Variants in SKOR2 observed in about 807,000 individuals in gnomAD.
SKOR2 encodes LBX1 corepressor 1-like protein.
A neutral mutation model predicts 69.1 loss-of-function variants in SKOR2; 47 were observed. The ratio of observed to expected loss-of-function variants is 0.68; its 90% CI spans 0.54 to 0.87. SKOR2 has a LOEUF of 0.87. Ranked by LOEUF, SKOR2 falls within the 40% of genes least tolerant of loss-of-function variation. The pLI is 0.00. For synonymous variants in SKOR2, 717 were observed against 672.6 expected (o/e 1.07, Z -1.02); for missense variants, 1,404 against 1,472.2 (o/e 0.95, Z 0.76).
chr18:47,223,883 TC>T (rs2064169587), intron 6 of SKOR2, among the ~76,000 whole-genome samples: 1 of 147,002 alleles, frequency 6.8e-6, no homozygotes, highest in Non-Finnish European at 1.5e-5. Flanking sequence ...CATACAAAAA[TC>T]TAAAATTTTT....
intron 4 of SKOR2, 49 bp from the exon 5 acceptor site, chr18:47,231,049 T>C: frequency 2.6e-6 from 4 of 1,535,030 alleles, no homozygotes; most frequent in Non-Finnish European, 3.5e-6. Context: ...AGGCTAGTTC[T>C]GTAAGTTTTC....
chr18:47,237,203 C>T (rs1345320406), intron 4 of SKOR2, among the ~76,000 whole-genome samples: 1 of 152,294 alleles, frequency 6.6e-6, no homozygotes, highest in South Asian at 2.1e-4. Flanking sequence ...TATATTCTGA[C>T]TAAATTAGGC....
In SKOR2 at chr18:47,247,672, G is replaced by A; in HGVS notation, c.1512C>T (p.Ala504=). ...GGTCCAGGAAGGCCTGGCGCAGCAGGGCCGGGCTTTCGCCTAGCGCGCAGC... is the reference window on the plus strand; with the variant it reads ...GGTCCAGGAAGGCCTGGCGCAGCAGAGCCGGGCTTTCGCCTAGCGCGCAGC... The part of the protein sequence containing the change: ...ALGCALGESP[A]LLRQAFLDLA... Residue 504 remains alanine, a synonymous_variant, in exon 2 of 9, where the codon GCC becomes GCT. Coordinates refer to ENST00000425639, the MANE Select transcript of SKOR2 (RefSeq NM_001278063.4). This position sits in a 1 kb window ranked among gnomAD's most constrained non-coding sequence, Gnocchi z 6.6. 1 of 1,369,850 alleles carries A rather than the reference G, an allele frequency of 7.3e-7. No homozygotes were observed. The highest frequency in any genetic ancestry group is 1.7e-5 in the South Asian group (1 of 58,246). 84.9% of individuals were successfully genotyped at this position (1,369,850 alleles called of 1,614,324 possible).
chr18:47,219,568 G>A (rs1400699985), intron 7 of SKOR2, among the ~76,000 whole-genome samples: 1 of 152,130 alleles, frequency 6.6e-6, no homozygotes, highest in African/African-American at 2.4e-5. Context: ...TGGAGGGCCT[G>A]GCTCAAGTGT....
chr18:47,248,511 C>G lies in SKOR2; in HGVS notation c.673G>C (p.Val225Leu). The change falls in exon 2 of 9, where the codon GTC becomes CTC. Residue 225 changes from valine (V) to leucine (L), a missense_variant. Physicochemically the swap from Val to Leu is conservative, Grantham distance 32. Coordinates refer to ENST00000425639, the MANE Select transcript of SKOR2 (RefSeq NM_001278063.4). This position sits in a 1 kb window ranked among gnomAD's most constrained non-coding sequence, Gnocchi z 6.4. Reference protein sequence around the residue: ...LTDKSPQDELVFAWEDVKAMF... With the variant: ...LTDKSPQDELLFAWEDVKAMF... ...GCCTTGACGTCCTCCCAGGCGAAGA[C>G]CAGCTCGTCCTGGGGACTCTTGTCG... 2 of 1,537,030 alleles carry G rather than the reference C, an allele frequency of 1.3e-6. No individual in the cohort carries two copies. The highest frequency in any genetic ancestry group is 1.7e-6 in the Non-Finnish European group (2 of 1,146,854).
Position 47,247,311 on chromosome 18 carries a change from G to A in SKOR2, c.1873C>T (p.Arg625Trp). Residue 625 changes from arginine to tryptophan, a missense_variant, in exon 2 of 9, where the codon CGG becomes TGG. By Grantham distance (101) the Arg-to-Trp change is moderately radical. Coordinates refer to ENST00000425639, the MANE Select transcript of SKOR2 (RefSeq NM_001278063.4). The surrounding 1 kb of genome is among the most constrained non-coding windows in gnomAD (Gnocchi z 6.6). Reference protein sequence around the residue: ...GGSYHHSSAFRPVGGKDDAES... With the variant: ...GGSYHHSSAFWPVGGKDDAES... ...GCGTCGTCCTTGCCGCCCACTGGCCGGAAGGCGCTGGAATGGTGGTAGCTG... is the reference window on the plus strand; with the variant it reads ...GCGTCGTCCTTGCCGCCCACTGGCCAGAAGGCGCTGGAATGGTGGTAGCTG... 1 of 1,481,858 alleles carries A rather than the reference G, an allele frequency of 6.7e-7. No homozygotes were observed. Among genetic ancestry groups the A allele is most frequent in the South Asian group, 1.3e-5 (1 of 79,660 alleles). 91.8% of individuals were successfully genotyped at this position (1,481,858 alleles called of 1,614,324 possible).
chr18:47,220,366 G>C (rs1464364245), intron 6 of SKOR2, among the ~76,000 whole-genome samples: 1 of 152,128 alleles, frequency 6.6e-6, no homozygotes, highest in Non-Finnish European at 1.5e-5. Context: ...TCCAGCAAGA[G>C]TCAGTAGGGC....
intron 4 of SKOR2, among the ~76,000 whole-genome samples, chr18:47,238,699 A>C (rs189264582): frequency 1.3e-5 from 2 of 152,332 alleles, no homozygotes; most frequent in Non-Finnish European, 2.9e-5. Flanking sequence ...CATCTGGATG[A>C]AGAAAGGTAT....
In SKOR2 at chr18:47,245,495, T is replaced by TTTTTTTTTTTA; in HGVS notation, c.2677+2_2677+3insTAAAAAAAAAA. 3 of 1,470,316 alleles carry TTTTTTTTTTTA rather than the reference T, an allele frequency of 2.0e-6. No individual in the cohort carries two copies. Among genetic ancestry groups the TTTTTTTTTTTA allele is most frequent in the Non-Finnish European group, 2.7e-6 (3 of 1,116,526 alleles). 91.1% of individuals were successfully genotyped at this position (1,470,316 alleles called of 1,614,324 possible). Reference sequence around the variant, plus strand: ...GGCAGCTGATTTTTTTTTTTTTTTTTACCTGAAAAGCTGTTGTCATCCTTT... The same window carrying TTTTTTTTTTTA: ...GGCAGCTGATTTTTTTTTTTTTTTTTTTTTTTTTTTAACCTGAAAAGCTGTTGTCATCCTTT... On this transcript the variant is annotated splice_region_variant and intron_variant, in intron 3 of 8. Transcript: ENST00000425639.
chr18:47,244,820 G>T, intron 4 of SKOR2, 88 bp downstream of exon 4: 1 of 1,231,844 alleles, frequency 8.1e-7, no homozygotes, highest in Non-Finnish European at 1.1e-6. Flanking sequence ...TTTTACCCTT[G>T]TACTAAATAT....
chr18:47,227,658 A>C lies in SKOR2; in HGVS notation c.2917+2801T>G, dbSNP rs539041282. Among the ~76,000 whole-genome samples the C allele has an allele frequency of 2.0e-5, 3 of 152,342 alleles. No individual in the cohort carries two copies. The East Asian group carries it at 5.8e-4, about 29-fold the overall frequency. On this transcript the variant is annotated intron_variant, in intron 6 of 8. Coordinates refer to ENST00000425639, the MANE Select transcript of SKOR2 (RefSeq NM_001278063.4). ...AAGCCAAAAATTTGGACCCAAGTTTAGAAATGCTTTTCTAGAGCTCAGTGC... is the reference window on the plus strand; with the variant it reads ...AAGCCAAAAATTTGGACCCAAGTTTCGAAATGCTTTTCTAGAGCTCAGTGC...
chr18:47,224,331 G>A (rs147866589), intron 6 of SKOR2, among the ~76,000 whole-genome samples: 11 of 152,294 alleles, frequency 7.2e-5, no homozygotes, highest in African/African-American at 2.4e-4. Context: ...ATGATAATAC[G>A]AAAGGAAGTA....
At chr18:47,215,679 A>C (rs999793202) in intron 7 of SKOR2, among the ~76,000 whole-genome samples, 1 of 152,162 alleles carries the variant, frequency 6.6e-6, no homozygotes, top group African/African-American at 2.4e-5. Flanking sequence ...TTAATGAAGA[A>C]CTTTGAGACC....
In SKOR2 at chr18:47,230,477, T is replaced by C. The variant is rs756117407; in HGVS notation, c.2899A>G (p.Thr967Ala). 7 of 1,447,920 alleles carry C rather than the reference T, an allele frequency of 4.8e-6. No homozygotes were observed. The South Asian group carries it at 1.0e-4, about 22-fold the overall frequency. 89.7% of individuals were successfully genotyped at this position (1,447,920 alleles called of 1,614,324 possible). A position where few individuals can be genotyped will look rare whatever the true frequency, so the allele number is the denominator to read the frequency against. Residue 967 changes from threonine to alanine, a missense_variant, in exon 6 of 9, where the codon ACA becomes GCA. Thr to Ala is a moderately conservative substitution (Grantham distance 58, BLOSUM62 0). Around this residue, in one of 3 missense-constraint regions of SKOR2, gnomAD observed 1,266 missense variants for 1,309.9 expected, o/e 0.97. Transcript: ENST00000425639. Reference sequence around the variant, plus strand: ...TTCTTACTGAATACTGGGAAAGATGTGTTTCCTTTTAACACCTGGAATTCT... The same window carrying C: ...TTCTTACTGAATACTGGGAAAGATGCGTTTCCTTTTAACACCTGGAATTCT... ...EQEFQVLKGN[T>A]SFPVFNNFQD...
chr18:47,221,216 CAT>C (rs2064160212), intron 6 of SKOR2, among the ~76,000 whole-genome samples: 1 of 152,132 alleles, frequency 6.6e-6, no homozygotes, highest in African/African-American at 2.4e-5. Flanking sequence ...CAACCCCAAA[CAT>C]GTGTTCTAAT....
At position 47,249,115 on chromosome 18, in the gene SKOR2, G is replaced by A. The variant is rs954069429; in HGVS notation, c.69C>T (p.Pro23=). 6.5e-7 allele frequency: 1 copy of A among 1,535,964 alleles called. No individual in the cohort carries two copies. Among genetic ancestry groups the A allele is most frequent in the Admixed American group, 2.0e-5 (1 of 50,984 alleles). The change falls in exon 2 of 9, where the codon CCC becomes CCT. Residue 23 remains proline, a synonymous_variant. Transcript: ENST00000425639. The stretch of plus-strand genomic sequence containing the variant: ...CTGGCCGCGGCTGGCTCAGCGTGTC[G>A]GGCTGGAAGGCGCTCGACGGCGACG... ...LLASPSSAFQ[P]DTLSQPRPGH...
intron 8 of SKOR2, among the ~76,000 whole-genome samples, chr18:47,209,234 C>T (rs549764257): frequency 6.6e-6 from 1 of 152,248 alleles, no homozygotes; most frequent in Admixed American, 6.5e-5. Context: ...TGAAAAGCTT[C>T]CTCCTCTTAA....
chr18:47,236,039 C>T, intron 4 of SKOR2, among the ~76,000 whole-genome samples: 1 of 152,184 alleles, frequency 6.6e-6, no homozygotes, highest in Non-Finnish European at 1.5e-5. Context: ...GGCTGGAGCG[C>T]ACTCACACAA....
chr18:47,222,813 A>G (rs1055635289), intron 6 of SKOR2, among the ~76,000 whole-genome samples: 1 of 152,232 alleles, frequency 6.6e-6, no homozygotes, highest in Non-Finnish European at 1.5e-5. Flanking sequence ...GGGAACAGCT[A>G]AGGGCAATTC....
Sources: gnomAD v4.1 joint callset for allele counts (sites outside exome capture counted in the v4.1 genomes callset) on GRCh38, gnomAD v4.1.1 for gene constraint, gnomAD v4.1.1 regional missense constraint, Gnocchi (gnomAD v3.1) non-coding constraint, MANE v1.5 for transcripts, NCBI Gene and HGNC (gene_info 2026-07-23, HGNC 2026-07-21) for gene names.